Variants in ELAVL4 observed in about 807,000 individuals in gnomAD.
The protein encoded by ELAVL4 is ELAV-like protein 4.
A neutral mutation model predicts 35.6 loss-of-function variants in ELAVL4; 1 was observed. The ratio of observed to expected loss-of-function variants is 0.03; its 90% CI spans 0.01 to 0.13. ELAVL4 has a LOEUF of 0.13. Ranked by LOEUF, ELAVL4 falls within the 10% of genes least tolerant of loss-of-function variation. The probability of loss-of-function intolerance (pLI) is 1.00; values close to 1 mark genes in which losing one functional copy is unlikely to be tolerated. For missense variants in ELAVL4, 267 were observed against 464.9 expected, an observed-to-expected ratio of 0.57 and a Z score of 3.91; for synonymous variants, 156 against 171.0, an observed-to-expected ratio of 0.91 and a Z score of 0.69.
intron 3 of ELAVL4, among the ~76,000 whole-genome samples, chr1:50,192,169 C>A (rs141653549): frequency 2.6e-5 from 4 of 152,322 alleles, no homozygotes; most frequent in African/African-American, 9.6e-5. Context: ...AGAGGCCTCC[C>A]AGCCCACCCG....
Position 50,195,611 on chromosome 1 carries a change from G to A in ELAVL4, c.559G>A (p.Glu187Lys). The change falls in exon 5 of 7, where the codon GAA (glutamate) becomes AAA (lysine). Residue 187 changes from glutamate (E) to lysine (K), a missense_variant. Physicochemically the swap from Glu to Lys is moderately conservative, Grantham distance 56. This residue lies in a region of ELAVL4 where 216 missense variants were observed against 409.5 expected (regional missense o/e 0.53). Transcript: ENST00000371824. ...CCGCTTTGATAAGAGGATTGAGGCA[G>A]AAGAAGCCATCAAAGGGCTGAATGG... is the stretch of plus-strand genomic sequence containing the variant. ...FIRFDKRIEA[E>K]EAIKGLNGQK... 1 of 1,614,178 alleles carries A rather than the reference G, an allele frequency of 6.2e-7. No homozygotes were observed. Among genetic ancestry groups the A allele is most frequent in the Non-Finnish European group, 8.5e-7 (1 of 1,180,006 alleles).
At chr1:50,064,640 C>A (rs1300732623) in intron 1 of ELAVL4, among the ~76,000 whole-genome samples, 3 of 152,104 alleles carry the variant, frequency 2.0e-5, no homozygotes, top group African/African-American at 7.2e-5. Flanking sequence ...ACCATGACAA[C>A]CCAAAACAAG....
At position 50,174,768 on chromosome 1, in the gene ELAVL4, G is replaced by GA. The variant is rs577034850; in HGVS notation, c.251-2317dup. ...AAAACAAAAATAAAATATAGAATGT[G>GA]AAAATTATGCCCATTATATTTATTT... On this transcript the variant is annotated intron_variant, in intron 2 of 6. Coordinates refer to ENST00000371824, the MANE Select transcript of ELAVL4 (RefSeq NM_001144774.3). The GA allele has an allele frequency of 2.4e-4, 37 of 152,096 alleles. 1 individual carries two copies. In the South Asian group the frequency reaches 7.5e-3, roughly 31 times the overall value. The allele number at this position is 152,096 out of a possible 1,614,324, so 9.4% of individuals were successfully genotyped here.
At chr1:50,099,752 A>G (rs1042939505), upstream of ELAVL4, among the ~76,000 whole-genome samples, 3 of 152,148 alleles carry the variant, frequency 2.0e-5, no homozygotes. Context: ...AGACAATTTC[A>G]TCTGAAGATC....
At chr1:50,123,252 C>G (rs1043592558) in intron 1 of ELAVL4, among the ~76,000 whole-genome samples, 2 of 152,044 alleles carry the variant, frequency 1.3e-5, no homozygotes, top group Admixed American at 6.6e-5. Flanking sequence ...TTACCTTATA[C>G]AGTAGTTGCT....
intron 1 of ELAVL4, among the ~76,000 whole-genome samples, chr1:50,078,106 TTGTGTGTGTGTGTG>T (rs56818675): frequency 6.9e-6 from 1 of 144,970 alleles, no homozygotes; most frequent in Non-Finnish European, 1.5e-5. Flanking sequence ...AATATATACC[TTGTGTGTGTGTGTG>T]TGTGTGTGTG....
chr1:50,165,934 GT>G (rs1301428231), intron 2 of ELAVL4, among the ~76,000 whole-genome samples: 1 of 151,956 alleles, frequency 6.6e-6, no homozygotes, highest in African/African-American at 2.4e-5. Context: ...GCCAGTTCGA[GT>G]TCCCAAACAG....
chr1:50,090,080 CA>C (rs1665422794), intron 1 of ELAVL4, among the ~76,000 whole-genome samples: 1 of 152,142 alleles, frequency 6.6e-6, no homozygotes, highest in Non-Finnish European at 1.5e-5. Flanking sequence ...AGGTCTGCCA[CA>C]GAGGACAGTT....
chr1:50,188,295 A>G (rs780758954), intron 3 of ELAVL4, among the ~76,000 whole-genome samples: 1 of 152,152 alleles, frequency 6.6e-6, no homozygotes, highest in South Asian at 2.1e-4. Context: ...TTGCCACTGT[A>G]TGTCACCTTT....
intron 1 of ELAVL4, among the ~76,000 whole-genome samples, chr1:50,096,481 A>C (rs1665722582): frequency 6.6e-6 from 1 of 150,876 alleles, no homozygotes; most frequent in South Asian, 2.1e-4. Context: ...TAGGGAAAGG[A>C]ATGTCTTGGA....
chr1:50,110,523 G>A (rs1666890455), intron 1 of ELAVL4, among the ~76,000 whole-genome samples: 1 of 152,120 alleles, frequency 6.6e-6, no homozygotes, highest in Admixed American at 6.5e-5. Context: ...AAAAGAAGCA[G>A]GGAAACTCCT....
chr1:50,168,838 C>G (rs1572503980), intron 2 of ELAVL4, among the ~76,000 whole-genome samples: 1 of 151,804 alleles, frequency 6.6e-6, no homozygotes, highest in South Asian at 2.1e-4. Flanking sequence ...AATCCCAAAA[C>G]TAATTAAAGA....
intron 3 of ELAVL4, among the ~76,000 whole-genome samples, chr1:50,183,573 T>C (rs913498783): frequency 2.0e-5 from 3 of 152,108 alleles, no homozygotes; most frequent in Non-Finnish European, 4.4e-5. Flanking sequence ...GCTTAACCAC[T>C]TCTCCATTTT....
chr1:50,133,609 A>AAG (rs1316690065), intron 1 of ELAVL4, among the ~76,000 whole-genome samples: 2 of 135,674 alleles, frequency 1.5e-5, no homozygotes, highest in Admixed American at 7.2e-5. Context: ...AAAAGAAAGA[A>AAG]AGAAAGAAAG....
chr1:50,109,124 C>A lies in ELAVL4; in HGVS notation c.-66C>A. 1 of 1,510,800 alleles carries A rather than the reference C, an allele frequency of 6.6e-7. No individual in the cohort carries two copies. The allele number at this position is 1,510,800 out of a possible 1,614,324, so 93.6% of individuals were successfully genotyped here. A position where few individuals can be genotyped will look rare whatever the true frequency, so the allele number is the denominator to read the frequency against. On this transcript the variant is annotated 5_prime_UTR_variant, in exon 1 of 7. The change creates a new upstream start codon in the 5' untranslated region. Coordinates refer to ENST00000371824, the MANE Select transcript of ELAVL4 (RefSeq NM_001144774.3). ...ATAGTAGTCATTTTAAATATATATT[C>A]TGAAATCTTTGCAAATTTTAACAGA...
At chr1:50,101,208 T>C (rs1230045573), upstream of ELAVL4, among the ~76,000 whole-genome samples, 1 of 152,184 alleles carries the variant, frequency 6.6e-6, no homozygotes, top group African/African-American at 2.4e-5. Context: ...CAGCACTACT[T>C]GGAAATAAGG....
chr1:50,049,001 A>G (rs1454612131), intron 1 of ELAVL4, among the ~76,000 whole-genome samples: 1 of 152,124 alleles, frequency 6.6e-6, no homozygotes, highest in Non-Finnish European at 1.5e-5. Context: ...CCCCCAACAT[A>G]TGTTAAGGGA....
chr1:50,161,013 G>A (rs1214244871), intron 2 of ELAVL4, among the ~76,000 whole-genome samples: 5 of 152,128 alleles, frequency 3.3e-5, no homozygotes, highest in African/African-American at 7.2e-5. Flanking sequence ...TAATTACAGT[G>A]TATGTAATTA....
intron 3 of ELAVL4, among the ~76,000 whole-genome samples, chr1:50,183,015 G>T (rs1174992165): frequency 6.6e-6 from 1 of 151,720 alleles, no homozygotes; most frequent in Non-Finnish European, 1.5e-5. Flanking sequence ...CTGCCACCAC[G>T]CCCGGCTGAT....
Sources: gnomAD v4.1 joint callset for allele counts (sites outside exome capture counted in the v4.1 genomes callset) on GRCh38, gnomAD v4.1.1 for gene constraint, gnomAD v4.1.1 regional missense constraint, MANE v1.5 for transcripts, NCBI Gene and HGNC (gene_info 2026-07-23, HGNC 2026-07-21) for gene names.